The following PDPK1 variants were observed in gnomAD, a reference collection of about 807,000 sequenced individuals.
The protein encoded by PDPK1 is 3-phosphoinositide-dependent protein kinase 1.
Under a neutral mutation model 39.8 loss-of-function variants are expected in PDPK1, and 7 were observed. The observed-to-expected ratio is 0.18, with a 90% CI of 0.10 to 0.33. The LOEUF is 0.33. PDPK1 is among the 10% of genes least tolerant of loss of function. The pLI is 1.00. For missense variants in PDPK1, 182 were observed against 384.7 expected (o/e 0.47, Z 4.41); for synonymous variants, 118 against 159.1 (o/e 0.74, Z 1.95).
intron 2 of PDPK1, among the ~76,000 whole-genome samples, chr16:2,560,280 A>G (rs1335246723): frequency 1.3e-5 from 2 of 152,056 alleles, no homozygotes; most frequent in Non-Finnish European, 2.9e-5. Flanking sequence ...TTATGAAGCT[A>G]GCACGTGCTC....
At chr16:2,577,862 C>G (rs1371397689) in intron 7 of PDPK1, among the ~76,000 whole-genome samples, 1 of 149,226 alleles carries the variant, frequency 6.7e-6, no homozygotes, top group Non-Finnish European at 1.5e-5. Flanking sequence ...CCTCAGCCTC[C>G]CGAGTAGCTG....
intron 11 of PDPK1, among the ~76,000 whole-genome samples, chr16:2,587,989 G>A (rs990518106): frequency 6.6e-6 from 1 of 152,128 alleles, no homozygotes; most frequent in Non-Finnish European, 1.5e-5. Context: ...GTGGGGAGAG[G>A]GCCTTGCAGG....
intron 1 of PDPK1, among the ~76,000 whole-genome samples, chr16:2,545,225 G>A (rs2066319479): frequency 6.6e-6 from 1 of 151,876 alleles, no homozygotes; most frequent in Non-Finnish European, 1.5e-5. Flanking sequence ...TTTAGTAGAG[G>A]TGGAATTTTA....
In PDPK1 at chr16:2,602,932, T is replaced by G. The variant is rs1047571085; in HGVS notation, c.*5165T>G. Reference sequence around the variant, plus strand: ...AATATATGAATTATTTGAATTGAATTCATGTTCGGGGCCACGTTGTTGTAT... The same window carrying G: ...AATATATGAATTATTTGAATTGAATGCATGTTCGGGGCCACGTTGTTGTAT... On this transcript the variant is annotated 3_prime_UTR_variant, in exon 14 of 14. Transcript: ENST00000342085. The G allele has an allele frequency of 4.3e-6, 1 of 232,612 alleles. No individual in the cohort carries two copies. Among genetic ancestry groups the G allele is most frequent in the Non-Finnish European group, 8.5e-6 (1 of 117,428 alleles). The allele number at this position is 232,612 out of a possible 1,614,324, so 14.4% of individuals were successfully genotyped here. A position where few individuals can be genotyped will look rare whatever the true frequency, so the allele number is the denominator to read the frequency against.
Position 2,603,027 on chromosome 16 carries a change from A to G in PDPK1, c.*5260A>G. ...ATTTTACAACTTTTTTTCTGGCTTTATTATATAAATTTTCTATTGGGTCAG... is the reference window on the plus strand; with the variant it reads ...ATTTTACAACTTTTTTTCTGGCTTTGTTATATAAATTTTCTATTGGGTCAG... On this transcript the variant is annotated 3_prime_UTR_variant, in exon 14 of 14. Coordinates refer to ENST00000342085, the MANE Select transcript of PDPK1 (RefSeq NM_002613.5). 4.4e-6 allele frequency: 1 copy of G among 228,316 alleles called. No individual in the cohort carries two copies. The highest frequency in any genetic ancestry group is 5.7e-5 in the Admixed American group (1 of 17,632). 14.1% of individuals were successfully genotyped at this position (228,316 alleles called of 1,614,324 possible).
intron 1 of PDPK1, among the ~76,000 whole-genome samples, chr16:2,545,022 A>G (rs1280901122): frequency 6.6e-6 from 1 of 150,592 alleles, no homozygotes; most frequent in African/African-American, 2.4e-5. Flanking sequence ...CACATCCGAG[A>G]TAGCATTAAC....
intron 1 of PDPK1, among the ~76,000 whole-genome samples, chr16:2,540,203 C>T (rs1339649211): frequency 6.6e-6 from 1 of 152,142 alleles, no homozygotes; most frequent in Non-Finnish European, 1.5e-5. Context: ...GTGAGAAGCC[C>T]CCTTCCCAGT....
rs559332782 is a variant in PDPK1 at position 2,597,917 on chromosome 16, G to A, written c.*150G>A. On this transcript the variant is annotated 3_prime_UTR_variant, in exon 14 of 14. Coordinates refer to ENST00000342085, the MANE Select transcript of PDPK1 (RefSeq NM_002613.5). The surrounding 1 kb of genome is among the most constrained non-coding windows in gnomAD (Gnocchi z 6.3). The stretch of plus-strand genomic sequence containing the variant: ...TGCAGCATTTTTATTTAAAAGAAAA[G>A]AAGAAAAAAAACACCCAACCACACA... The A allele has an allele frequency of 8.5e-6, 5 of 588,390 alleles. No homozygotes were observed. The highest frequency in any genetic ancestry group is 5.7e-5 in the East Asian group (2 of 35,124). 36.4% of individuals were successfully genotyped at this position (588,390 alleles called of 1,614,324 possible). A position where few individuals can be genotyped will look rare whatever the true frequency, so the allele number is the denominator to read the frequency against.
chr16:2,550,183 A>C (rs566033938), intron 1 of PDPK1, among the ~76,000 whole-genome samples: 53 of 151,116 alleles, frequency 3.5e-4, no homozygotes, highest in African/African-American at 1.2e-3. Flanking sequence ...TAAAATGCTC[A>C]GAAGAATGTG....
At position 2,602,746 on chromosome 16, in the gene PDPK1, C is replaced by G. The variant is rs1171200440; in HGVS notation, c.*4979C>G. On this transcript the variant is annotated 3_prime_UTR_variant, in exon 14 of 14. Transcript: ENST00000342085. ...ACATGCGTAATATTCTCTACCTGGT[C>G]TGTAGCTGTAACTGTGATGTACAGA... The G allele has an allele frequency of 2.1e-5, 5 of 234,538 alleles. No homozygotes were observed. Among genetic ancestry groups the G allele is most frequent in the Non-Finnish European group, 4.2e-5 (5 of 118,016 alleles). The allele number at this position is 234,538 out of a possible 1,614,324, so 14.5% of individuals were successfully genotyped here.
At position 2,600,162 on chromosome 16, in the gene PDPK1, G is replaced by A. The variant is rs866940925; in HGVS notation, c.*2395G>A. ...CATCCTTAGAGCCATCACCTGGCACGCAGGCGCCTTACATTCTACGGTAGA... is the reference window on the plus strand; with the variant it reads ...CATCCTTAGAGCCATCACCTGGCACACAGGCGCCTTACATTCTACGGTAGA... On this transcript the variant is annotated 3_prime_UTR_variant, in exon 14 of 14. Coordinates refer to ENST00000342085, the MANE Select transcript of PDPK1 (RefSeq NM_002613.5). The A allele has an allele frequency of 2.2e-5, 5 of 232,410 alleles. No homozygotes were observed. The highest frequency in any genetic ancestry group is 1.2e-3 in the Middle Eastern group (1 of 804). 14.4% of individuals were successfully genotyped at this position (232,410 alleles called of 1,614,324 possible). A position where few individuals can be genotyped will look rare whatever the true frequency, so the allele number is the denominator to read the frequency against.
rs1456879962 is a variant in PDPK1, at chr16:2,597,432, C to G, written c.1554+157C>G. Among the ~76,000 whole-genome samples, 1 of 152,158 alleles carries G rather than the reference C, an allele frequency of 6.6e-6. No individual in the cohort carries two copies. The highest frequency in any genetic ancestry group is 2.4e-5 in the African/African-American group (1 of 41,426). On this transcript the variant is annotated intron_variant, in intron 13 of 13. Coordinates refer to ENST00000342085, the MANE Select transcript of PDPK1 (RefSeq NM_002613.5). This position sits in a 1 kb window ranked among gnomAD's most constrained non-coding sequence, Gnocchi z 6.3. ...CAGACGCCCACACTAGTGGCTCAGT[C>G]CTGAGGGGGCAGGGGACACCCTGTG...
chr16:2,602,922 T>C lies in PDPK1; in HGVS notation c.*5155T>C, dbSNP rs2067247671. 4.3e-6 allele frequency: 1 copy of C among 232,574 alleles called. No homozygotes were observed. Among genetic ancestry groups the C allele is most frequent in the Admixed American group, 5.6e-5 (1 of 17,746 alleles). The allele number at this position is 232,574 out of a possible 1,614,324, so 14.4% of individuals were successfully genotyped here. A position where few individuals can be genotyped will look rare whatever the true frequency, so the allele number is the denominator to read the frequency against. On this transcript the variant is annotated 3_prime_UTR_variant, in exon 14 of 14. Transcript: ENST00000342085. ...TTTAAATTCTAATATATGAATTATT[T>C]GAATTGAATTCATGTTCGGGGCCAC...
intron 1 of PDPK1, among the ~76,000 whole-genome samples, chr16:2,541,489 A>G (rs888014582): frequency 1.3e-5 from 2 of 152,172 alleles, no homozygotes; most frequent in Non-Finnish European, 2.9e-5. Flanking sequence ...CTTCTGAGGA[A>G]ATGGACAGGA....
chr16:2,538,507 C>T (rs1432761870), intron 1 of PDPK1: 1 of 603,384 alleles, frequency 1.7e-6, no homozygotes, highest in East Asian at 6.7e-5. Context: ...TGTAGAGGAA[C>T]CGCCCTGGGC....
At chr16:2,547,133 C>T in intron 1 of PDPK1, among the ~76,000 whole-genome samples, 1 of 149,852 alleles carries the variant, frequency 6.7e-6, no homozygotes, top group Admixed American at 6.6e-5. Flanking sequence ...ATCTGGAGAG[C>T]CGCAGCAGCC....
chr16:2,587,756 C>T (rs1443068658), intron 11 of PDPK1, among the ~76,000 whole-genome samples: 1 of 152,200 alleles, frequency 6.6e-6, no homozygotes, highest in Non-Finnish European at 1.5e-5. Flanking sequence ...TTTTAAAAGC[C>T]ACGTGTATGG....
intron 1 of PDPK1, among the ~76,000 whole-genome samples, chr16:2,544,617 T>A (rs2141939799): frequency 6.6e-6 from 1 of 152,162 alleles, no homozygotes; most frequent in East Asian, 1.9e-4. Flanking sequence ...GGAGTCTCGC[T>A]CTGTCGCCCA....
chr16:2,602,456 T>G lies in PDPK1; in HGVS notation c.*4689T>G. The G allele has an allele frequency of 4.2e-6, 1 of 235,342 alleles. No homozygotes were observed. The highest frequency in any genetic ancestry group is 8.5e-6 in the Non-Finnish European group (1 of 118,172). 14.6% of individuals were successfully genotyped at this position (235,342 alleles called of 1,614,324 possible). Reference sequence around the variant, plus strand: ...TTTTCCCCGTAACTCATTTCTTCCATATGAAGAAACACCAAACTATGTACA... The same window carrying G: ...TTTTCCCCGTAACTCATTTCTTCCAGATGAAGAAACACCAAACTATGTACA... On this transcript the variant is annotated 3_prime_UTR_variant, in exon 14 of 14. Transcript: ENST00000342085.
Sources: gnomAD v4.1 joint callset for allele counts (sites outside exome capture counted in the v4.1 genomes callset) on GRCh38, gnomAD v4.1.1 for gene constraint, Gnocchi (gnomAD v3.1) non-coding constraint, MANE v1.5 for transcripts, NCBI Gene and HGNC (gene_info 2026-07-23, HGNC 2026-07-21) for gene names.